The following NINJ2 variants were observed in gnomAD, a reference collection of about 807,000 sequenced individuals.
NINJ2 encodes the protein ninjurin-2.
NINJ2 carries 12 observed loss-of-function variants against 11.7 expected under a neutral mutation model. The observed-to-expected ratio is 1.02, with a 90% CI of 0.66 to 1.66. The LOEUF (loss-of-function observed/expected upper bound fraction) is 1.66. Among genes scored for constraint, NINJ2 ranks in the 40% most tolerant of loss-of-function variants. The probability of loss-of-function intolerance (pLI) is 0.00; values close to 1 mark genes in which losing one functional copy is unlikely to be tolerated. For synonymous variants in NINJ2, 93 were observed against 76.8 expected (o/e 1.21, Z -1.10); for missense variants, 187 against 181.8 (o/e 1.03, Z -0.16).
At chr12:621,478 A>AAAG (rs1463271609) in intron 1 of NINJ2, among the ~76,000 whole-genome samples, 1 of 150,396 alleles carries the variant, frequency 6.6e-6, no homozygotes, top group Admixed American at 6.6e-5. Context: ...AAAAGAAAAA[A>AAAG]AAAGAAAGAA....
At chr12:610,730 T>A in intron 1 of NINJ2, 66 of 102,054 alleles carry the variant, frequency 6.5e-4, no homozygotes, top group South Asian at 9.6e-4. Context: ...AAATCTATTC[T>A]TTTTTTTTTT....
intron 1 of NINJ2, among the ~76,000 whole-genome samples, chr12:582,457 G>A (rs1947569612): frequency 8.1e-6 from 1 of 123,598 alleles, no homozygotes. Flanking sequence ...ACGCAGGCAG[G>A]CAGGCATGCT....
chr12:638,105 G>A (rs1948375131), intron 1 of NINJ2, among the ~76,000 whole-genome samples: 1 of 152,204 alleles, frequency 6.6e-6, no homozygotes, highest in South Asian at 2.1e-4. Flanking sequence ...TATGCTTTAG[G>A]AGGAAGGTGC....
At chr12:578,922 C>A (rs1452379954) in intron 1 of NINJ2, among the ~76,000 whole-genome samples, 1 of 152,212 alleles carries the variant, frequency 6.6e-6, no homozygotes, top group African/African-American at 2.4e-5. Context: ...AGATCCTTTT[C>A]ATGTCCTCAC....
intron 1 of NINJ2, among the ~76,000 whole-genome samples, chr12:641,471 T>G (rs1350702351): frequency 6.6e-6 from 1 of 152,168 alleles, no homozygotes; most frequent in Non-Finnish European, 1.5e-5. Flanking sequence ...AGGAGTGTGC[T>G]CCAAATCAAA....
At chr12:656,571 A>C (rs1937876086) in intron 1 of NINJ2, among the ~76,000 whole-genome samples, 1 of 151,666 alleles carries the variant, frequency 6.6e-6, no homozygotes, top group African/African-American at 2.4e-5. Flanking sequence ...CAAGATGGTG[A>C]AACCCCATCT....
At chr12:594,581 A>T (rs1947758502) in intron 1 of NINJ2, among the ~76,000 whole-genome samples, 1 of 152,200 alleles carries the variant, frequency 6.6e-6, no homozygotes. Flanking sequence ...TGAGTCCGGG[A>T]GTTCACAACC....
chr12:565,093 C>G, intron 3 of NINJ2, 124 bp downstream of exon 3: 1 of 750,994 alleles, frequency 1.3e-6, no homozygotes, highest in Non-Finnish European at 2.1e-6. Context: ...TCTCCTTGCT[C>G]TCGGAGCTAC....
At chr12:646,548 GA>G (rs1937685968) in intron 1 of NINJ2, among the ~76,000 whole-genome samples, 1 of 152,168 alleles carries the variant, frequency 6.6e-6, no homozygotes. Flanking sequence ...GAAAGCCAGA[GA>G]AAAAGAGGGA....
chr12:567,932 A>G (rs1020097267), intron 1 of NINJ2, among the ~76,000 whole-genome samples: 5 of 152,184 alleles, frequency 3.3e-5, no homozygotes, highest in African/African-American at 4.8e-5. Context: ...CACTTGAACC[A>G]GGAGGCAGAG....
intron 1 of NINJ2, among the ~76,000 whole-genome samples, chr12:589,191 T>G (rs1360006036): frequency 2.0e-5 from 3 of 152,178 alleles, no homozygotes; most frequent in African/African-American, 7.2e-5. Flanking sequence ...ACCACACAAT[T>G]AAATACTACA....
In NINJ2 at chr12:580,494, A is replaced by G. The variant is rs1360862912; in HGVS notation, c.34-14316T>C. 3.9e-5 allele frequency among the ~76,000 whole-genome samples: 6 copies of G among 152,094 alleles called. No individual in the cohort carries two copies. The highest frequency in any genetic ancestry group is 3.9e-4 in the Admixed American group (6 of 15,264). ...TTCCAGCTACTCGGGAGGCTGAGGCAGGAGAATCACTTGAACCTGGAGGCA... is the reference window on the plus strand; with the variant it reads ...TTCCAGCTACTCGGGAGGCTGAGGCGGGAGAATCACTTGAACCTGGAGGCA... On this transcript the variant is annotated intron_variant, in intron 1 of 3. Coordinates refer to ENST00000305108, the MANE Select transcript of NINJ2 (RefSeq NM_016533.6). The surrounding 1 kb of genome is among the most constrained non-coding windows in gnomAD (Gnocchi z 4.7).
Position 614,124 on chromosome 12 carries a change from A to C in NINJ2, c.34-47946T>G, listed in dbSNP as rs7306791. Among the ~76,000 whole-genome samples, 1 of 151,748 alleles carries C rather than the reference A, an allele frequency of 6.6e-6. No individual in the cohort carries two copies. The highest frequency in any genetic ancestry group is 1.5e-5 in the Non-Finnish European group (1 of 67,964). On this transcript the variant is annotated intron_variant, in intron 1 of 3. Transcript: ENST00000305108. This position sits in a 1 kb window ranked among gnomAD's most constrained non-coding sequence, Gnocchi z 5.1. ...TCCATAGCACGTGGCTAGTAAGAAC[A>C]GTCTCTTACACGATGTCCTACTGCC...
chr12:625,120 A>AG (rs1948198738), intron 1 of NINJ2, among the ~76,000 whole-genome samples: 1 of 147,590 alleles, frequency 6.8e-6, no homozygotes, highest in South Asian at 2.1e-4. Context: ...AAAAAAAAAA[A>AG]GATATATATA....
intron 1 of NINJ2, among the ~76,000 whole-genome samples, chr12:661,365 G>C (rs149202878): frequency 5.8e-4 from 88 of 152,346 alleles, no homozygotes; most frequent in African/African-American, 2.0e-3. Flanking sequence ...ACAGGCGTAG[G>C]CCACCGTGCC....
intron 1 of NINJ2, among the ~76,000 whole-genome samples, chr12:655,449 C>T (rs970865825): frequency 6.6e-6 from 1 of 152,254 alleles, no homozygotes; most frequent in East Asian, 1.9e-4. Context: ...ACATAAAATG[C>T]AATCACTTTC....
rs190063629 is a variant in NINJ2 at position 649,429 on chromosome 12, C to G, written c.33+13899G>C. ...TATGTAAAACTATTAAAAAGTGGAA[C>G]AGCCACTTAAAAGGAGATGCCTACT... On this transcript the variant is annotated intron_variant, in intron 1 of 3. Transcript: ENST00000305108. 3.7e-3 allele frequency among the ~76,000 whole-genome samples: 560 copies of G among 151,710 alleles called. 9 individuals carry two copies. Among genetic ancestry groups the G allele is most frequent in the Non-Finnish European group, 1.3e-3 (91 of 67,950 alleles).
At chr12:594,284 AT>A (rs1331453015) in intron 1 of NINJ2, among the ~76,000 whole-genome samples, 1 of 152,242 alleles carries the variant, frequency 6.6e-6, no homozygotes, top group African/African-American at 2.4e-5. Flanking sequence ...AAAAAAGTCC[AT>A]TGTTTTCCTA....
In NINJ2 at chr12:609,789, A is replaced by AAAAAAAAAAAAAAAAAG. The variant is rs71439346; in HGVS notation, c.34-43612_34-43611insCTTTTTTTTTTTTTTTT. ...CTGCCTCAAAAAAAAAAAAAAAAATAGGGAAAACAACAACAGCAGCAATAG... is the reference window on the plus strand; with the variant it reads ...CTGCCTCAAAAAAAAAAAAAAAAATAAAAAAAAAAAAAAAAAGGGGAAAACAACAACAGCAGCAATAG... On this transcript the variant is annotated intron_variant, in intron 1 of 3. Transcript: ENST00000305108. Among the ~76,000 whole-genome samples, 109 of 116,632 alleles carry AAAAAAAAAAAAAAAAAG rather than the reference A, an allele frequency of 9.3e-4. 10 individuals carry two copies. Among genetic ancestry groups the AAAAAAAAAAAAAAAAAG allele is most frequent in the Non-Finnish European group, 1.6e-3 (87 of 54,472 alleles). 76.5% of individuals were successfully genotyped at this position (116,632 alleles called of 152,430 possible). A position where few individuals can be genotyped will look rare whatever the true frequency, so the allele number is the denominator to read the frequency against.
Sources: gnomAD v4.1 joint callset for allele counts (sites outside exome capture counted in the v4.1 genomes callset) on GRCh38, gnomAD v4.1.1 for gene constraint, Gnocchi (gnomAD v3.1) non-coding constraint, MANE v1.5 for transcripts, NCBI Gene and HGNC (gene_info 2026-07-23, HGNC 2026-07-21) for gene names.